The following GALNT13 variants were observed in gnomAD, a reference collection of about 807,000 sequenced individuals.
The protein encoded by GALNT13 is polypeptide N-acetylgalactosaminyltransferase 13.
GALNT13 carries 28 observed loss-of-function variants against 64.2 expected under a neutral mutation model. That is an observed-to-expected ratio of 0.44 (90% CI 0.32 to 0.60). The LOEUF (loss-of-function observed/expected upper bound fraction) is 0.60. GALNT13 is among the 20% of genes least tolerant of loss of function. The pLI is 0.05. For missense variants in GALNT13, 577 were observed against 669.8 expected, an observed-to-expected ratio of 0.86 and a Z score of 1.53; for synonymous variants, 214 against 224.6, an observed-to-expected ratio of 0.95 and a Z score of 0.42.
the GALNT13 span, among the ~76,000 whole-genome samples, chr2:153,110,358 C>A: frequency 6.6e-6 from 1 of 152,030 alleles, no homozygotes; most frequent in Non-Finnish European, 1.5e-5. Flanking sequence ...AAGAATCATA[C>A]TACTGACATT....
At chr2:153,331,857 A>G in the GALNT13 span, among the ~76,000 whole-genome samples, 39 of 151,762 alleles carry the variant, frequency 2.6e-4, no homozygotes, top group African/African-American at 9.5e-4. Flanking sequence ...TCAGGACTCA[A>G]TATTGACCTG....
chr2:153,767,498 T>C, the GALNT13 span, among the ~76,000 whole-genome samples: 5 of 152,146 alleles, frequency 3.3e-5, no homozygotes, highest in South Asian at 6.2e-4. Context: ...ATAGGAGTTA[T>C]ATTTTTAGTT....
the GALNT13 span, among the ~76,000 whole-genome samples, chr2:153,827,672 T>C: frequency 2.0e-5 from 3 of 147,952 alleles, no homozygotes; most frequent in African/African-American, 7.5e-5. Flanking sequence ...AGCCGAAGTA[T>C]ATCATTCCAC....
chr2:153,838,352 A>G, the GALNT13 span, among the ~76,000 whole-genome samples: 12 of 151,898 alleles, frequency 7.9e-5, no homozygotes, highest in Admixed American at 7.2e-4. Flanking sequence ...TTTTCCCCCT[A>G]TATTTCTTCT....
chr2:153,696,450 A>G, the GALNT13 span, among the ~76,000 whole-genome samples: 1 of 152,106 alleles, frequency 6.6e-6, no homozygotes, highest in East Asian at 1.9e-4. Context: ...TCACAGACAT[A>G]CCTGGGAACA....
At chr2:153,561,985 G>T in the GALNT13 span, among the ~76,000 whole-genome samples, 1 of 124,814 alleles carries the variant, frequency 8.0e-6, no homozygotes, top group African/African-American at 3.4e-5. Context: ...AATTTTTAGT[G>T]TTTCACACTT....
chr2:154,186,028 C>T (rs375240057), intron 4 of GALNT13, among the ~76,000 whole-genome samples: 5 of 152,094 alleles, frequency 3.3e-5, no homozygotes, highest in South Asian at 2.1e-4. Flanking sequence ...CATAAAATTA[C>T]ATTGGCTAAT....
At chr2:153,141,075 A>C in the GALNT13 span, among the ~76,000 whole-genome samples, 1 of 116,172 alleles carries the variant, frequency 8.6e-6, no homozygotes, top group Non-Finnish European at 2.1e-5. Flanking sequence ...CTGTATCTGT[A>C]GATTTGTTTA....
the GALNT13 span, among the ~76,000 whole-genome samples, chr2:153,094,432 G>T: frequency 2.0e-5 from 3 of 152,168 alleles, no homozygotes; most frequent in Non-Finnish European, 4.4e-5. Context: ...TGGATAGGAA[G>T]AATCAATATT....
chr2:153,618,635 T>C, the GALNT13 span, among the ~76,000 whole-genome samples: 1 of 151,950 alleles, frequency 6.6e-6, no homozygotes, highest in Non-Finnish European at 1.5e-5. Context: ...AGTCTTCTGC[T>C]ATTATTGTTT....
At chr2:153,343,385 CTA>C in the GALNT13 span, among the ~76,000 whole-genome samples, 35 of 152,178 alleles carry the variant, frequency 2.3e-4, 2 homozygotes, top group East Asian at 6.4e-3. Flanking sequence ...TTAAAAATTA[CTA>C]TGTTTTTTAA....
chr2:153,133,509 A>G, the GALNT13 span, among the ~76,000 whole-genome samples: 2 of 151,632 alleles, frequency 1.3e-5, no homozygotes, highest in Non-Finnish European at 2.9e-5. Context: ...AATAAATTCA[A>G]TTTTTCTCAC....
the GALNT13 span, among the ~76,000 whole-genome samples, chr2:153,332,885 A>G: frequency 6.6e-6 from 1 of 152,212 alleles, no homozygotes; most frequent in Non-Finnish European, 1.5e-5. Flanking sequence ...ACAACCGTCA[A>G]TGGCACATGC....
intron 2 of GALNT13, among the ~76,000 whole-genome samples, chr2:153,939,738 T>A (rs1409635581): frequency 6.6e-6 from 1 of 152,188 alleles, no homozygotes; most frequent in East Asian, 1.9e-4. Context: ...ACAATATGTG[T>A]TACTACTAGT....
chr2:154,113,311 G>T (rs1435845136), intron 3 of GALNT13, among the ~76,000 whole-genome samples: 2 of 152,170 alleles, frequency 1.3e-5, no homozygotes, highest in African/African-American at 2.4e-5. Context: ...GGCCCAAGTG[G>T]CAGAGCAGCT....
At chr2:153,129,857 T>C in the GALNT13 span, among the ~76,000 whole-genome samples, 2 of 152,220 alleles carry the variant, frequency 1.3e-5, no homozygotes, top group African/African-American at 4.8e-5. Flanking sequence ...CTGCTATTCT[T>C]AGGACTTGCT....
Position 154,301,457 on chromosome 2 carries a change from G to A in GALNT13, c.1024G>A (p.Gly342Ser). The change falls in exon 9 of 13, where the codon GGT (glycine) becomes AGT (serine). Residue 342 changes from glycine (G) to serine (S), a missense_variant. Coordinates refer to ENST00000392825, the MANE Select transcript of GALNT13 (RefSeq NM_052917.4). ...SLEIVTCSHVGHVFRKATPYT... is the reference protein window; with the variant it reads ...SLEIVTCSHVSHVFRKATPYT... ...GGAGATTGTTACTTGCTCCCATGTT[G>A]GTCATGTTTTTCGGAAGGCAACTCC... The A allele has an allele frequency of 6.2e-7, 1 of 1,613,528 alleles. No homozygotes were observed. The highest frequency in any genetic ancestry group is 8.5e-7 in the Non-Finnish European group (1 of 1,179,628).
intron 4 of GALNT13, among the ~76,000 whole-genome samples, chr2:154,218,711 G>C (rs1688173617): frequency 6.6e-6 from 1 of 151,852 alleles, no homozygotes; most frequent in South Asian, 2.1e-4. Context: ...TATTTTCTCA[G>C]CATTACGTTT....
the GALNT13 span, among the ~76,000 whole-genome samples, chr2:153,814,223 G>A: frequency 4.6e-5 from 7 of 152,292 alleles, no homozygotes; most frequent in South Asian, 6.2e-4. Flanking sequence ...GGCGGATCAC[G>A]AGGTCAGGAG....
Sources: allele counts gnomAD v4.1 joint callset (sites outside exome capture counted in the v4.1 genomes callset), GRCh38; gene constraint gnomAD v4.1.1; transcripts MANE v1.5; gene names NCBI Gene and HGNC (gene_info 2026-07-23, HGNC 2026-07-21).